Variants in PLCB1 observed in about 807,000 individuals in gnomAD.
PLCB1 encodes the protein phospholipase C beta 1.
PLCB1 carries 46 observed loss-of-function variants against 161.8 expected under a neutral mutation model. The ratio of observed to expected loss-of-function variants is 0.28; its 90% CI spans 0.22 to 0.36. The LOEUF is 0.36. PLCB1 is among the 10% of genes least tolerant of loss of function. The pLI is 1.00. For missense variants in PLCB1, 1,016 were observed against 1,472.5 expected (o/e 0.69, Z 5.07); for synonymous variants, 517 against 503.7 (o/e 1.03, Z -0.35).
intron 2 of PLCB1, among the ~76,000 whole-genome samples, chr20:8,266,553 A>C (rs1981963563): frequency 6.6e-6 from 1 of 152,212 alleles, no homozygotes; most frequent in Admixed American, 6.5e-5. Flanking sequence ...GGGAGCTACA[A>C]AGTTATAGGG....
intron 3 of PLCB1, among the ~76,000 whole-genome samples, chr20:8,509,348 A>G (rs1259491640): frequency 6.6e-6 from 1 of 152,210 alleles, no homozygotes; most frequent in Non-Finnish European, 1.5e-5. Context: ...TTCTTGTAAG[A>G]CAACTGGGAA....
intron 3 of PLCB1, among the ~76,000 whole-genome samples, chr20:8,622,808 T>C (rs1988221981): frequency 6.6e-6 from 1 of 152,206 alleles, no homozygotes; most frequent in Non-Finnish European, 1.5e-5. Context: ...AGATCCTGTC[T>C]GCCAAGCATG....
Position 8,460,952 on chromosome 20 carries a change from T to C in PLCB1, c.246+89502T>C, listed in dbSNP as rs1981548221. ...TGTCTAATAGAACTTTCTGTGATGATGGAAATGCTTCATATCTGTGCCATC... is the reference window on the plus strand; with the variant it reads ...TGTCTAATAGAACTTTCTGTGATGACGGAAATGCTTCATATCTGTGCCATC... On this transcript the variant is annotated intron_variant, in intron 3 of 31. Coordinates refer to ENST00000338037, the MANE Select transcript of PLCB1 (RefSeq NM_015192.4). Among the ~76,000 whole-genome samples the C allele has an allele frequency of 2.6e-5, 4 of 152,300 alleles. No homozygotes were observed. In the South Asian group the frequency reaches 6.2e-4, roughly 24 times the overall value.
chr20:8,538,951 G>A (rs539050018), intron 3 of PLCB1, among the ~76,000 whole-genome samples: 3 of 151,772 alleles, frequency 2.0e-5, no homozygotes, highest in East Asian at 3.9e-4. Flanking sequence ...CTGCCACCAC[G>A]CCAGCTAATT....
chr20:8,475,043 A>T (rs116751813), intron 3 of PLCB1, among the ~76,000 whole-genome samples: 5 of 151,978 alleles, frequency 3.3e-5, no homozygotes, highest in Non-Finnish European at 5.9e-5. Context: ...AGACACACAC[A>T]CACACTCTTT....
rs939629811 is a variant in PLCB1 at position 8,192,798 on chromosome 20, G to A, written c.177+42427G>A. Among the ~76,000 whole-genome samples, 20 of 152,070 alleles carry A rather than the reference G, an allele frequency of 1.3e-4. 1 individual carries two copies. The highest frequency in any genetic ancestry group is 1.3e-3 in the Admixed American group (20 of 15,234). ...ATGTAAATAAAAATATATAACTGCA[G>A]AGAAGCAGATAACTGTTGAGGAGTG... On this transcript the variant is annotated intron_variant, in intron 2 of 31. Transcript: ENST00000338037.
At chr20:8,261,365 C>T (rs796422905) in intron 2 of PLCB1, among the ~76,000 whole-genome samples, 153 of 152,248 alleles carry the variant, frequency 1.0e-3, no homozygotes, top group African/African-American at 3.4e-3. Context: ...TCTGCCTCCC[C>T]TTATCTCTTC....
intron 3 of PLCB1, among the ~76,000 whole-genome samples, chr20:8,605,781 C>T (rs1353245376): frequency 6.6e-6 from 1 of 151,958 alleles, no homozygotes; most frequent in Non-Finnish European, 1.5e-5. Context: ...AATTTTTCAA[C>T]GTTCACTCTC....
intron 2 of PLCB1, among the ~76,000 whole-genome samples, chr20:8,257,876 C>A (rs1320934349): frequency 6.6e-6 from 1 of 152,050 alleles, no homozygotes; most frequent in Non-Finnish European, 1.5e-5. Context: ...TGGATGAATA[C>A]CCCCCGACCA....
At chr20:8,327,119 CAA>C (rs1985185319) in intron 2 of PLCB1, among the ~76,000 whole-genome samples, 1 of 152,128 alleles carries the variant, frequency 6.6e-6, no homozygotes, top group South Asian at 2.1e-4. Context: ...CTTTTGAGCT[CAA>C]GTTATCCACC....
chr20:8,832,282 T>C (rs187186198), intron 31 of PLCB1, among the ~76,000 whole-genome samples: 2 of 152,304 alleles, frequency 1.3e-5, no homozygotes, highest in Admixed American at 1.3e-4. Flanking sequence ...ATAGAATAGT[T>C]GTTTATACTT....
At chr20:8,664,581 C>G (rs1037581217) in intron 9 of PLCB1, among the ~76,000 whole-genome samples, 2 of 152,078 alleles carry the variant, frequency 1.3e-5, no homozygotes, top group African/African-American at 4.8e-5. Context: ...AACTTGAAAA[C>G]TGTAGTTTTA....
At position 8,632,024 on chromosome 20, in the gene PLCB1, GGTTTTTTTTGC is replaced by G. The variant is rs775291628; in HGVS notation, c.384+3594_384+3604del. 7.8e-3 allele frequency among the ~76,000 whole-genome samples: 717 copies of G among 91,718 alleles called. 23 individuals carry two copies. Among genetic ancestry groups the G allele is most frequent in the African/African-American group, 0.024 (661 of 27,328 alleles). 60.2% of individuals were successfully genotyped at this position (91,718 alleles called of 152,430 possible). Reference sequence around the variant, plus strand: ...ATTACTCCTGGAGGAGACAAATATGGGTTTTTTTTGCTTTTTTTTTTTTTTTTTTTTTTTTT... The same window carrying G: ...ATTACTCCTGGAGGAGACAAATATGGTTTTTTTTTTTTTTTTTTTTTTTTT... On this transcript the variant is annotated intron_variant, in intron 4 of 31. Coordinates refer to ENST00000338037, the MANE Select transcript of PLCB1 (RefSeq NM_015192.4).
chr20:8,834,227 T>C (rs1487866348), intron 31 of PLCB1, among the ~76,000 whole-genome samples: 1 of 152,046 alleles, frequency 6.6e-6, no homozygotes, highest in Non-Finnish European at 1.5e-5. Flanking sequence ...GGTAAAGTTA[T>C]AGCATGTTGG....
At position 8,299,888 on chromosome 20, in the gene PLCB1, C is replaced by T. The variant is rs116753561; in HGVS notation, c.178-71494C>T. Among the ~76,000 whole-genome samples, 839 of 152,332 alleles carry T rather than the reference C, an allele frequency of 5.5e-3. 9 individuals carry two copies. Among genetic ancestry groups the T allele is most frequent in the African/African-American group, 0.019 (795 of 41,566 alleles). ...AAGGACTTACTCTTGCTTAACTTGG[C>T]TCACTGCTCCTCAGGGCGCAGCTAT... is the stretch of plus-strand genomic sequence containing the variant. On this transcript the variant is annotated intron_variant, in intron 2 of 31. Coordinates refer to ENST00000338037, the MANE Select transcript of PLCB1 (RefSeq NM_015192.4).
chr20:8,206,586 A>G (rs918451012), intron 2 of PLCB1, among the ~76,000 whole-genome samples: 1 of 152,138 alleles, frequency 6.6e-6, no homozygotes, highest in African/African-American at 2.4e-5. Context: ...TTCTGCCACA[A>G]CTAATGTGAA....
chr20:8,869,399 C>T (rs929680558), intron 31 of PLCB1, among the ~76,000 whole-genome samples: 9 of 152,118 alleles, frequency 5.9e-5, no homozygotes, highest in African/African-American at 1.7e-4. Flanking sequence ...CCAGTGCTGA[C>T]ATAAAAAGTT....
chr20:8,796,463 G>A (rs527969384), intron 31 of PLCB1, among the ~76,000 whole-genome samples: 18 of 152,192 alleles, frequency 1.2e-4, no homozygotes, highest in Non-Finnish European at 2.1e-4. Flanking sequence ...AATCTTTTGC[G>A]GCTTGATGGG....
chr20:8,210,421 A>G (rs1420176989), intron 2 of PLCB1, among the ~76,000 whole-genome samples: 2 of 152,116 alleles, frequency 1.3e-5, no homozygotes, highest in Admixed American at 6.6e-5. Context: ...TTGATGGAAG[A>G]CTTAAGTAGG....
Sources: allele counts gnomAD v4.1 joint callset (sites outside exome capture counted in the v4.1 genomes callset), GRCh38; gene constraint gnomAD v4.1.1; transcripts MANE v1.5; gene names NCBI Gene and HGNC (gene_info 2026-07-23, HGNC 2026-07-21).